The following SAV1 variants were observed in gnomAD, a reference collection of about 807,000 sequenced individuals.
SAV1 encodes protein salvador homolog 1.
Under a neutral mutation model 47.3 loss-of-function variants are expected in SAV1, and 23 were observed. The ratio of observed to expected loss-of-function variants is 0.49; its 90% CI spans 0.35 to 0.69. The LOEUF is 0.69. Among genes scored for constraint, SAV1 ranks in the 30% least tolerant of loss-of-function variants. The pLI is 0.01. For missense variants in SAV1, 448 were observed against 457.4 expected, an observed-to-expected ratio of 0.98 and a Z score of 0.19; for synonymous variants, 155 against 159.2, an observed-to-expected ratio of 0.97 and a Z score of 0.20.
At position 50,635,025 on chromosome 14, in the gene SAV1, A is replaced by G. The variant is rs1170004404; in HGVS notation, c.*158T>C. ...ATGATAGACTAATTTTTCTCATTCA[A>G]TAAAAGAAAATTTCTAATAACAAAA... On this transcript the variant is annotated 3_prime_UTR_variant, in exon 5 of 5. Coordinates refer to ENST00000324679, the MANE Select transcript of SAV1 (RefSeq NM_021818.4). 2 of 624,720 alleles carry G rather than the reference A, an allele frequency of 3.2e-6. No homozygotes were observed. The highest frequency in any genetic ancestry group is 5.5e-6 in the Non-Finnish European group (2 of 365,170). 38.7% of individuals were successfully genotyped at this position (624,720 alleles called of 1,614,324 possible). A position where few individuals can be genotyped will look rare whatever the true frequency, so the allele number is the denominator to read the frequency against.
chr14:50,648,757 G>A (rs1291628325), intron 2 of SAV1, among the ~76,000 whole-genome samples: 1 of 151,654 alleles, frequency 6.6e-6, no homozygotes, highest in African/African-American at 2.4e-5. Flanking sequence ...CAGCCTGGGC[G>A]ACGGAGCAAG....
In SAV1 at chr14:50,665,562, C is replaced by G. The variant is rs2039895097; in HGVS notation, c.152G>C (p.Cys51Ser). 1 of 1,613,722 alleles carries G rather than the reference C, an allele frequency of 6.2e-7. No homozygotes were observed. Among genetic ancestry groups the G allele is most frequent in the Non-Finnish European group, 8.5e-7 (1 of 1,179,892 alleles). The change falls in exon 2 of 5, where the codon TGT (cysteine) becomes TCT (serine). Residue 51 changes from cysteine to serine, a missense_variant. Cys to Ser is a moderately radical substitution (Grantham distance 112). Coordinates refer to ENST00000324679, the MANE Select transcript of SAV1 (RefSeq NM_021818.4). ...GGCATTAGGGCTTGAATCTGGAAGA[C>G]AGATATCAGTTCGTCTTGGAATTGT... ...GPTIPRRTDI[C>S]LPDSSPNAFS...
At position 50,668,300 on chromosome 14, in the gene SAV1, T is replaced by G. The variant is rs895514099; in HGVS notation, c.-333A>C. ...CCGCCGCGGGCCGCCGAATAACCGC[T>G]ACCACTACCGCCGCCGCCGCCTACA... On this transcript the variant is annotated 5_prime_UTR_variant, in exon 1 of 5. Transcript: ENST00000324679. 4 of 161,680 alleles carry G rather than the reference T, an allele frequency of 2.5e-5. No homozygotes were observed. The highest frequency in any genetic ancestry group is 4.0e-5 in the Non-Finnish European group (3 of 75,376). 10.0% of individuals were successfully genotyped at this position (161,680 alleles called of 1,614,324 possible). A position where few individuals can be genotyped will look rare whatever the true frequency, so the allele number is the denominator to read the frequency against.
At chr14:50,652,105 G>T (rs55693641) in intron 2 of SAV1, among the ~76,000 whole-genome samples, 1 of 152,116 alleles carries the variant, frequency 6.6e-6, no homozygotes, top group Non-Finnish European at 1.5e-5. Flanking sequence ...CAGGAACCAA[G>T]ATTTTCAGTA....
chr14:50,654,548 A>G (rs1473526153), intron 2 of SAV1, among the ~76,000 whole-genome samples: 1 of 152,254 alleles, frequency 6.6e-6, no homozygotes, highest in Non-Finnish European at 1.5e-5. Flanking sequence ...TCACCATAAC[A>G]GGCAGAAATG....
intron 3 of SAV1, among the ~76,000 whole-genome samples, chr14:50,643,516 C>G (rs11847189): frequency 6.6e-6 from 1 of 152,212 alleles, no homozygotes; most frequent in Non-Finnish European, 1.5e-5. Flanking sequence ...GATTCAATCA[C>G]TTCCCACCAG....
chr14:50,655,876 T>A (rs547946337), intron 2 of SAV1, among the ~76,000 whole-genome samples: 1 of 152,122 alleles, frequency 6.6e-6, no homozygotes, highest in East Asian at 2.0e-4. Context: ...AGAAACCCCA[T>A]CTCTACTAAA....
intron 4 of SAV1, among the ~76,000 whole-genome samples, chr14:50,636,338 G>A (rs2039634581): frequency 1.3e-5 from 2 of 151,786 alleles, no homozygotes; most frequent in African/African-American, 4.8e-5. Flanking sequence ...AGCAAACAAG[G>A]AACCAAACAG....
chr14:50,658,955 A>T (rs2039835532), intron 2 of SAV1, among the ~76,000 whole-genome samples: 1 of 152,204 alleles, frequency 6.6e-6, no homozygotes, highest in Non-Finnish European at 1.5e-5. Flanking sequence ...ATTCCTTCAA[A>T]AAAAGTACTA....
chr14:50,648,694 C>T (rs1489835481), intron 2 of SAV1, among the ~76,000 whole-genome samples: 5 of 151,918 alleles, frequency 3.3e-5, no homozygotes, highest in African/African-American at 1.2e-4. Flanking sequence ...AGGAGAATGG[C>T]GTGAACCCGG....
intron 4 of SAV1, among the ~76,000 whole-genome samples, chr14:50,637,055 G>A (rs2039640775): frequency 6.6e-6 from 1 of 152,160 alleles, no homozygotes; most frequent in South Asian, 2.1e-4. Context: ...GTTAGTGTGA[G>A]CCACTATACT....
chr14:50,667,243 AC>A, intron 1 of SAV1: 1 of 243,964 alleles, frequency 4.1e-6, no homozygotes, highest in East Asian at 1.0e-4. Flanking sequence ...GTTCTCTAAT[AC>A]GATAGAAATT....
intron 3 of SAV1, among the ~76,000 whole-genome samples, chr14:50,641,807 T>C (rs556562742): frequency 6.6e-6 from 1 of 152,190 alleles, no homozygotes; most frequent in South Asian, 2.1e-4. Context: ...GTTGGGAGAC[T>C]TCTCAAAGAA....
At chr14:50,664,990 T>C in intron 2 of SAV1, 189 bp downstream of exon 2, 1 of 615,264 alleles carries the variant, frequency 1.6e-6, no homozygotes, top group Admixed American at 3.8e-5. Flanking sequence ...AAATAAATGG[T>C]CACAAGGACT....
rs11844843 is a variant in SAV1, at chr14:50,648,695, G to A, written c.536-3681C>T. On this transcript the variant is annotated intron_variant, in intron 2 of 4. Coordinates refer to ENST00000324679, the MANE Select transcript of SAV1 (RefSeq NM_021818.4). Reference sequence around the variant, plus strand: ...TGGGAGGCTGAGACAGGAGAATGGCGTGAACCCGGGAGGCGGAGGTTGCAG... The same window carrying A: ...TGGGAGGCTGAGACAGGAGAATGGCATGAACCCGGGAGGCGGAGGTTGCAG... Among the ~76,000 whole-genome samples the A allele has an allele frequency of 8.3e-3, 1,265 of 152,008 alleles. 22 individuals carry two copies. Among genetic ancestry groups the A allele is most frequent in the African/African-American group, 0.027 (1,110 of 41,478 alleles).
intron 2 of SAV1, among the ~76,000 whole-genome samples, chr14:50,662,358 A>G (rs867581703): frequency 4.8e-4 from 73 of 152,220 alleles, no homozygotes; most frequent in Non-Finnish European, 8.8e-4. Flanking sequence ...TAGTAGAGAC[A>G]GGGTTTCACC....
chr14:50,661,730 A>G (rs551584240), intron 2 of SAV1, among the ~76,000 whole-genome samples: 1 of 152,234 alleles, frequency 6.6e-6, no homozygotes, highest in Non-Finnish European at 1.5e-5. Flanking sequence ...TTTGTAAAAA[A>G]ATCAGTTGGC....
chr14:50,644,633 C>A, intron 3 of SAV1, 111 bp downstream of exon 3: 2 of 1,010,634 alleles, frequency 2.0e-6, no homozygotes, highest in Non-Finnish European at 2.8e-6. Context: ...AAATATAAGG[C>A]TTTCAAATCT....
intron 2 of SAV1, among the ~76,000 whole-genome samples, chr14:50,658,579 A>C (rs557470401): frequency 6.6e-6 from 1 of 152,296 alleles, no homozygotes; most frequent in East Asian, 1.9e-4. Flanking sequence ...CCCTTGACAC[A>C]AGGTGTTTCC....
Sources: allele counts gnomAD v4.1 joint callset (sites outside exome capture counted in the v4.1 genomes callset), GRCh38; gene constraint gnomAD v4.1.1; transcripts MANE v1.5; gene names NCBI Gene and HGNC (gene_info 2026-07-23, HGNC 2026-07-21).